Variants in RNF32 observed in about 807,000 individuals in gnomAD.
RNF32 encodes ring finger protein 32.
A neutral mutation model predicts 41.0 loss-of-function variants in RNF32; 36 were observed. The ratio of observed to expected loss-of-function variants is 0.88; its 90% CI spans 0.67 to 1.16. The LOEUF is 1.16. Among genes scored for constraint, RNF32 ranks in the 50% most tolerant of loss-of-function variants. The pLI, the probability that RNF32 is intolerant of heterozygous loss-of-function variation, is 0.00. For missense variants in RNF32, 413 were observed against 436.7 expected, an observed-to-expected ratio of 0.95 and a Z score of 0.48; for synonymous variants, 154 against 160.9, an observed-to-expected ratio of 0.96 and a Z score of 0.32.
At position 156,658,234 on chromosome 7, in the gene RNF32, G is replaced by T. The variant is rs769571992; in HGVS notation, c.557G>T (p.Arg186Ile). 6.2e-7 allele frequency: 1 copy of T among 1,614,196 alleles called. No individual in the cohort carries two copies. Among genetic ancestry groups the T allele is most frequent in the African/African-American group, 1.3e-5 (1 of 75,070 alleles). ...ATACACGATGGGGCCCGCCTGTTCA[G>T]AATCAAGTGTGTGACCAGGTGAGGA... ...RVIHDGARLF[R>I]IKCVTRIQAY... The change falls in exon 6 of 9, where the codon AGA becomes ATA. Residue 186 changes from arginine to isoleucine, a missense_variant. Transcript: ENST00000317955.
chr7:156,656,436 GAATT>G (rs988195369), intron 4 of RNF32, among the ~76,000 whole-genome samples: 19 of 152,160 alleles, frequency 1.2e-4, no homozygotes, highest in Non-Finnish European at 2.5e-4. Flanking sequence ...TATAAAGAAT[GAATT>G]AAGTATAGAA....
In RNF32 at chr7:156,669,982, A is replaced by C. The variant is rs1258864098; in HGVS notation, c.685-5714A>C. 6.6e-6 allele frequency among the ~76,000 whole-genome samples: 1 copy of C among 152,222 alleles called. No individual in the cohort carries two copies. Among genetic ancestry groups the C allele is most frequent in the Non-Finnish European group, 1.5e-5 (1 of 68,042 alleles). On this transcript the variant is annotated intron_variant, in intron 7 of 8. Coordinates refer to ENST00000317955, the MANE Select transcript of RNF32 (RefSeq NM_030936.4). The surrounding 1 kb of genome is among the most constrained non-coding windows in gnomAD (Gnocchi z 4.2). The stretch of plus-strand genomic sequence containing the variant: ...GGGAAAGTGCCATCCAAGTACTAAA[A>C]GTATAAAGCTGTATGTACTTCTGTG...
intron 7 of RNF32, among the ~76,000 whole-genome samples, chr7:156,665,346 C>T (rs1801204490): frequency 6.6e-6 from 1 of 152,170 alleles, no homozygotes; most frequent in Admixed American, 6.5e-5. Context: ...ACCTCATCAC[C>T]CCTTCCATAC....
intron 7 of RNF32, chr7:156,659,009 TGG>T: frequency 6.8e-7 from 1 of 1,466,116 alleles, no homozygotes; most frequent in Non-Finnish European, 8.9e-7. Flanking sequence ...GAGTACCTCG[TGG>T]GGTCATCACA....
intron 7 of RNF32, among the ~76,000 whole-genome samples, chr7:156,661,487 T>G (rs564014263): frequency 2.0e-5 from 3 of 152,200 alleles, no homozygotes; most frequent in Middle Eastern, 3.4e-3. Flanking sequence ...GCCCAGCTAA[T>G]TTTTGTATTT....
chr7:156,655,089 GA>G (rs150121477), intron 4 of RNF32, among the ~76,000 whole-genome samples: 14 of 147,172 alleles, frequency 9.5e-5, no homozygotes, highest in East Asian at 3.9e-4. Context: ...AGTCAGAAAA[GA>G]AAAAAAAAAC....
At chr7:156,641,779 A>G (rs144165413) in intron 1 of RNF32, among the ~76,000 whole-genome samples, 1 of 152,244 alleles carries the variant, frequency 6.6e-6, no homozygotes. Flanking sequence ...AGGAACTGAG[A>G]AAATTCTGGC....
rs981256596 is a variant in RNF32 at position 156,669,469 on chromosome 7, A to G, written c.685-6227A>G. ...ATGGAGGAACCGTGCCGTTCCCTGG[A>G]ACCTCTGTCCAGGCAGAGGGCAGCA... On this transcript the variant is annotated intron_variant, in intron 7 of 8. Transcript: ENST00000317955. The surrounding 1 kb of genome is among the most constrained non-coding windows in gnomAD (Gnocchi z 4.2). Among the ~76,000 whole-genome samples the G allele has an allele frequency of 2.0e-5, 3 of 152,132 alleles. No individual in the cohort carries two copies. Among genetic ancestry groups the G allele is most frequent in the Admixed American group, 6.5e-5 (1 of 15,276 alleles).
At chr7:156,642,113 A>G (rs1483764898) in intron 1 of RNF32, among the ~76,000 whole-genome samples, 1 of 152,300 alleles carries the variant, frequency 6.6e-6, no homozygotes, top group Non-Finnish European at 1.5e-5. Context: ...ATTTCTTTCT[A>G]TTTTTAGAGT....
At chr7:156,655,281 C>CATAT (rs66559168) in intron 4 of RNF32, among the ~76,000 whole-genome samples, 1 of 150,496 alleles carries the variant, frequency 6.6e-6, no homozygotes, top group Non-Finnish European at 1.5e-5. Flanking sequence ...AGAGAGAATG[C>CATAT]ATATATATAT....
intron 7 of RNF32, among the ~76,000 whole-genome samples, chr7:156,661,256 T>C (rs1238856136): frequency 6.6e-6 from 1 of 151,922 alleles, no homozygotes; most frequent in Non-Finnish European, 1.5e-5. Flanking sequence ...AGAAATTCCA[T>C]TGTTAAGGTT....
At chr7:156,658,297 G>A in intron 6 of RNF32, 45 bp downstream of exon 6, 2 of 1,599,624 alleles carry the variant, frequency 1.3e-6, no homozygotes, top group Non-Finnish European at 1.7e-6. Context: ...CACAGATCAG[G>A]CTATGACAAC....
At chr7:156,665,080 T>C (rs745456319) in intron 7 of RNF32, among the ~76,000 whole-genome samples, 4 of 152,214 alleles carry the variant, frequency 2.6e-5, no homozygotes, top group Non-Finnish European at 2.9e-5. Flanking sequence ...TCTCCTTACA[T>C]TTGTCCTTTA....
intron 7 of RNF32, 132 bp downstream of exon 7, chr7:156,658,702 ATGC>A: frequency 1.3e-6 from 1 of 762,340 alleles, no homozygotes; most frequent in Non-Finnish European, 2.2e-6. Context: ...AATGGGTGAG[ATGC>A]TGCTAAAAAT....
intron 5 of RNF32, 102 bp downstream of exon 5, chr7:156,657,675 T>A: frequency 9.5e-7 from 1 of 1,049,544 alleles, no homozygotes; most frequent in East Asian, 2.4e-5. Flanking sequence ...GCCATTTATT[T>A]TATTCATCAC....
chr7:156,648,118 A>T (rs928032091), intron 3 of RNF32, among the ~76,000 whole-genome samples: 1 of 152,002 alleles, frequency 6.6e-6, no homozygotes, highest in Non-Finnish European at 1.5e-5. Context: ...TGTTTTTACA[A>T]CCTTTTGTAA....
intron 7 of RNF32, among the ~76,000 whole-genome samples, 200 bp from the exon 8 acceptor site, chr7:156,675,496 T>C (rs1028553228): frequency 6.6e-6 from 1 of 152,178 alleles, no homozygotes; most frequent in African/African-American, 2.4e-5. Context: ...CTCCATCAGA[T>C]AGGGGTTCTT....
intron 7 of RNF32, among the ~76,000 whole-genome samples, chr7:156,664,150 G>A (rs199641684): frequency 2.0e-5 from 3 of 152,332 alleles, no homozygotes; most frequent in Non-Finnish European, 2.9e-5. Flanking sequence ...CTTTTACAAC[G>A]TTCTGAAGGC....
At chr7:156,662,992 C>T (rs1024128063) in intron 7 of RNF32, among the ~76,000 whole-genome samples, 2 of 151,912 alleles carry the variant, frequency 1.3e-5, no homozygotes, top group Non-Finnish European at 2.9e-5. Context: ...GGACTACAGG[C>T]GCCCACCACC....
Sources: gnomAD v4.1 joint callset for allele counts (sites outside exome capture counted in the v4.1 genomes callset) on GRCh38, gnomAD v4.1.1 for gene constraint, Gnocchi (gnomAD v3.1) non-coding constraint, MANE v1.5 for transcripts, NCBI Gene and HGNC (gene_info 2026-07-23, HGNC 2026-07-21) for gene names.